BNIP1: variants seen among roughly 807,000 people sequenced by gnomAD.
The protein encoded by BNIP1 is BCL2 interacting protein 1.
In BNIP1, 25 loss-of-function variants were observed where a neutral mutation model predicts 28.5. That is an observed-to-expected ratio of 0.88 (90% CI 0.64 to 1.23). The LOEUF (loss-of-function observed/expected upper bound fraction) is 1.23. Among genes scored for constraint, BNIP1 ranks in the 50% most tolerant of loss-of-function variants. The pLI is 0.00. For missense variants in BNIP1, 276 were observed against 277.0 expected, an observed-to-expected ratio of 1.00 and a Z score of 0.02; for synonymous variants, 118 against 101.7, an observed-to-expected ratio of 1.16 and a Z score of -0.96.
intron 1 of BNIP1, 37 bp from the exon 2 acceptor site, chr5:173,146,829 C>T (rs771801045): frequency 2.0e-6 from 3 of 1,513,566 alleles, no homozygotes; most frequent in Admixed American, 3.3e-5. Context: ...ATTTCATTGC[C>T]TTGAGAAAGG....
At chr5:173,158,111 A>G (rs1162598071) in intron 3 of BNIP1, among the ~76,000 whole-genome samples, 5 of 151,506 alleles carry the variant, frequency 3.3e-5, no homozygotes, top group African/African-American at 1.2e-4. Context: ...TTGTATTTTT[A>G]GTAGAGACGG....
intron 2 of BNIP1, chr5:173,151,629 T>A: frequency 6.2e-7 from 1 of 1,614,064 alleles, no homozygotes; most frequent in Non-Finnish European, 8.5e-7. Flanking sequence ...GCTAACTTAT[T>A]CCCTGACAGA....
Position 173,154,051 on chromosome 5 carries a change from C to T in BNIP1, c.178-271C>T, listed in dbSNP as rs377354977. On this transcript the variant is annotated intron_variant, in intron 2 of 5. Transcript: ENST00000351486. ...TAGGTGACAGGAGCAGCAGCTCTGA[C>T]GCCAGGACAGCCGTGCATCACTCCC... 3.2e-3 allele frequency among the ~76,000 whole-genome samples: 493 copies of T among 152,280 alleles called. 2 individuals carry two copies. The highest frequency in any genetic ancestry group is 0.011 in the African/African-American group (465 of 41,550).
intron 3 of BNIP1, among the ~76,000 whole-genome samples, chr5:173,155,429 G>A (rs1474353288): frequency 6.6e-6 from 1 of 152,112 alleles, no homozygotes; most frequent in Non-Finnish European, 1.5e-5. Flanking sequence ...GGCCCAGTGC[G>A]GCGGCTCACG....
intron 5 of BNIP1, 52 bp downstream of exon 5, chr5:173,160,103 C>CAAGGGCCCTAGAG: frequency 1.3e-6 from 2 of 1,542,424 alleles, no homozygotes; most frequent in Non-Finnish European, 1.8e-6. Context: ...TGCTCTAGGG[C>CAAGGGCCCTAGAG]CCTTGCCCTG....
intron 5 of BNIP1, chr5:173,161,797 G>C (rs1471819636): frequency 6.6e-6 from 1 of 152,144 alleles, no homozygotes; most frequent in East Asian, 1.9e-4. Context: ...ATGGGTGGTG[G>C]ACACATGGCA....
rs1250596960 is a variant in BNIP1 at position 173,148,080 on chromosome 5, AAAAATATATATATATATATATAT to A, written c.177+1124_177+1146del. On this transcript the variant is annotated intron_variant, in intron 2 of 5. Coordinates refer to ENST00000351486, the MANE Select transcript of BNIP1 (RefSeq NM_001205.3). Reference sequence around the variant, plus strand: ...TCTGTGTCAAAAAAAAAAAAAAAAAAAAAATATATATATATATATATATATATATATATATATATATATATATA... The same window carrying A: ...TCTGTGTCAAAAAAAAAAAAAAAAAAATATATATATATATATATATATATA... Among the ~76,000 whole-genome samples the A allele has an allele frequency of 3.6e-4, 18 of 49,482 alleles. 1 individual carries two copies. Among genetic ancestry groups the A allele is most frequent in the African/African-American group, 1.8e-3 (18 of 10,152 alleles). The allele number at this position is 49,482 out of a possible 152,430, so 32.5% of individuals were successfully genotyped here.
chr5:173,148,084 ATATATATATATATAT>A (rs1484585573), intron 2 of BNIP1, among the ~76,000 whole-genome samples: 422 of 16,928 alleles, frequency 0.025, 26 homozygotes, highest in Middle Eastern at 0.062. Context: ...AAAAAAAAAA[ATATATATATATATAT>A]ATATATATAT....
chr5:173,163,677 T>G, intron 5 of BNIP1, 48 bp from the exon 6 acceptor site: 1 of 1,514,274 alleles, frequency 6.6e-7, no homozygotes, highest in Non-Finnish European at 8.9e-7. Flanking sequence ...GGTCTTTGGA[T>G]CTTGAGCTGC....
In BNIP1 at chr5:173,154,340, A is replaced by G. The variant is rs139989374; in HGVS notation, c.196A>G (p.Lys66Glu). 15 of 1,613,834 alleles carry G rather than the reference A, an allele frequency of 9.3e-6. No homozygotes were observed. In the African/African-American group the frequency reaches 2.0e-4, roughly 22 times the overall value. The stretch of plus-strand genomic sequence containing the variant: ...CTCAAAGGACCTGGAGCAGTTGGCT[A>G]AAGAGCAAGACAAAGAATCAGAGAA... ...HRIQDLEQLA[K>E]EQDKESEKQL... Residue 66 changes from lysine to glutamate, a missense_variant, in exon 3 of 6, where the codon AAA becomes GAA. By Grantham distance (56) the Lys-to-Glu change is moderately conservative. Transcript: ENST00000351486.
chr5:173,162,123 C>T (rs192186468), intron 5 of BNIP1, among the ~76,000 whole-genome samples: 3 of 152,232 alleles, frequency 2.0e-5, no homozygotes, highest in African/African-American at 4.8e-5. Flanking sequence ...CCAGGACTGC[C>T]ATAGAAACGC....
At chr5:173,155,424 A>G (rs1760156753) in intron 3 of BNIP1, among the ~76,000 whole-genome samples, 1 of 152,126 alleles carries the variant, frequency 6.6e-6, no homozygotes, top group South Asian at 2.1e-4. Context: ...TTTTTGGCCC[A>G]GTGCGGCGGC....
intron 3 of BNIP1, among the ~76,000 whole-genome samples, chr5:173,156,863 C>T (rs895657435): frequency 6.6e-5 from 10 of 151,480 alleles, no homozygotes; most frequent in Admixed American, 1.3e-4. Context: ...TTAGCCAGGA[C>T]GGTCTCGATC....
At position 173,144,593 on chromosome 5, in the gene BNIP1, T is replaced by C. The variant is rs369298286; in HGVS notation, c.48T>C (p.Ile16=). Residue 16 remains isoleucine (I), a synonymous_variant, in exon 1 of 6, where the codon ATT becomes ATC. Transcript: ENST00000351486. ...DVHVRICNQE[I]VKFDLEVKAL... Reference sequence around the variant, plus strand: ...ACGTCCGGATCTGTAACCAAGAGATTGTCAAATTTGACCTGGAGGTGAAGG... The same window carrying C: ...ACGTCCGGATCTGTAACCAAGAGATCGTCAAATTTGACCTGGAGGTGAAGG... 2 of 1,614,150 alleles carry C rather than the reference T, an allele frequency of 1.2e-6. No individual in the cohort carries two copies. Among genetic ancestry groups the C allele is most frequent in the Admixed American group, 1.7e-5 (1 of 60,020 alleles).
chr5:173,160,053 T>C lies in BNIP1; in HGVS notation c.490+2T>C. 6.2e-7 allele frequency: 1 copy of C among 1,612,858 alleles called. No individual in the cohort carries two copies. Among genetic ancestry groups the C allele is most frequent in the Middle Eastern group, 1.7e-4 (1 of 5,740 alleles). Reference sequence around the variant, plus strand: ...GCGAGGAGGCCATGCAGTCTCTAGGTAAAGCTGGGCCTGGAGTAGGAAGCT... The same window carrying C: ...GCGAGGAGGCCATGCAGTCTCTAGGCAAAGCTGGGCCTGGAGTAGGAAGCT... On this transcript the variant is annotated splice_donor_variant, in intron 5 of 5. Coordinates refer to ENST00000351486, the MANE Select transcript of BNIP1 (RefSeq NM_001205.3). LOFTEE classifies it high-confidence loss of function.
intron 2 of BNIP1, chr5:173,151,822 A>AT: frequency 2.9e-6 from 4 of 1,387,170 alleles, no homozygotes; most frequent in Non-Finnish European, 3.9e-6. Flanking sequence ...GAAGGACCTA[A>AT]TAAGCACATG....
chr5:173,157,094 G>T (rs935407730), intron 3 of BNIP1, among the ~76,000 whole-genome samples: 1 of 152,124 alleles, frequency 6.6e-6, no homozygotes, highest in South Asian at 2.1e-4. Flanking sequence ...TGAATGTGAG[G>T]TGGTTGAGGA....
At chr5:173,152,943 T>G (rs1760064393) in intron 2 of BNIP1, among the ~76,000 whole-genome samples, 1 of 152,152 alleles carries the variant, frequency 6.6e-6, no homozygotes, top group Admixed American at 6.6e-5. Context: ...AGAACCTGTT[T>G]TAATTTGTAA....
At chr5:173,145,363 C>T (rs1220092030) in intron 1 of BNIP1, among the ~76,000 whole-genome samples, 1 of 152,074 alleles carries the variant, frequency 6.6e-6, no homozygotes, top group East Asian at 1.9e-4. Flanking sequence ...TCCATGAGTT[C>T]AGCAAAAAGA....
Sources: allele counts gnomAD v4.1 joint callset (sites outside exome capture counted in the v4.1 genomes callset), GRCh38; gene constraint gnomAD v4.1.1; transcripts MANE v1.5; gene names NCBI Gene and HGNC (gene_info 2026-07-23, HGNC 2026-07-21).